DOHH: variants seen among roughly 807,000 people sequenced by gnomAD.
DOHH encodes deoxyhypusine hydroxylase.
A neutral mutation model predicts 19.9 loss-of-function variants in DOHH; 16 were observed. The observed-to-expected ratio is 0.80, with a 90% CI of 0.54 to 1.22. The LOEUF is 1.22. Ranked by LOEUF, DOHH falls within the 50% of genes most tolerant of loss-of-function variation. DOHH has a pLI of 0.00. For missense variants in DOHH, 460 were observed against 460.6 expected (o/e 1.00, Z 0.01); for synonymous variants, 233 against 217.0 (o/e 1.07, Z -0.65).
chr19:3,499,733 T>C lies in DOHH; in HGVS notation c.-73+828A>G, dbSNP rs182900189. ...GTTGCAGTGAGCCGAGATCGTGCCA[T>C]TGCATTCCAGACTGAGCTACAAAGC... is the stretch of plus-strand genomic sequence containing the variant. On this transcript the variant is annotated intron_variant, in intron 1 of 4. Coordinates refer to ENST00000427575, the MANE Select transcript of DOHH (RefSeq NM_001145165.2). Among the ~76,000 whole-genome samples the C allele has an allele frequency of 2.9e-4, 44 of 152,304 alleles. No homozygotes were observed. In the East Asian group the frequency reaches 6.2e-3, roughly 21 times the overall value.
In DOHH at chr19:3,496,526, C is replaced by G. The variant is rs140089889; in HGVS notation, c.274+15G>C. 786 of 1,600,028 alleles carry G rather than the reference C, an allele frequency of 4.9e-4. 4 individuals are homozygous for G. The African/African-American group carries it at 9.6e-3, about 20-fold the overall frequency. On this transcript the variant is annotated intron_variant, in intron 2 of 4. Transcript: ENST00000427575. The surrounding 1 kb of genome is among the most constrained non-coding windows in gnomAD (Gnocchi z 4.8). ...CAGGAGGGAGCAGGTGCCCGGGACA[C>G]AGACAGGTGCTCACCTGCCTCATGG...
intron 1 of DOHH, among the ~76,000 whole-genome samples, chr19:3,498,577 G>T (rs1041381662): frequency 3.3e-5 from 5 of 152,034 alleles, no homozygotes; most frequent in African/African-American, 1.2e-4. Flanking sequence ...GGCTAATTTT[G>T]TATTTTTAGT....
rs1337457335 is a variant in DOHH at position 3,491,721 on chromosome 19, G to A, written c.680C>T (p.Ala227Val). The A allele has an allele frequency of 6.6e-7, 1 of 1,509,812 alleles. No individual in the cohort carries two copies. Among genetic ancestry groups the A allele is most frequent in the Non-Finnish European group, 8.8e-7 (1 of 1,133,214 alleles). 93.5% of individuals were successfully genotyped at this position (1,509,812 alleles called of 1,614,324 possible). The change falls in exon 5 of 5, where the codon GCC becomes GTC. Residue 227 changes from alanine to valine, a missense_variant. Transcript: ENST00000427575. This position sits in a 1 kb window ranked among gnomAD's most constrained non-coding sequence, Gnocchi z 5.6. ...GTTCTCGGTGCATCGGGCCAGGGCG[G>A]CCGCCAGCTGGGGCACCGCCGCCTC... ...QHEAAVPQLA[A>V]ALARCTENPM... is the part of the protein sequence containing the mutation.
chr19:3,495,977 T>C (rs1166256198), intron 2 of DOHH, among the ~76,000 whole-genome samples: 1 of 152,194 alleles, frequency 6.6e-6, no homozygotes, highest in Admixed American at 6.5e-5. Flanking sequence ...GTGGAATTTA[T>C]ATGAAATTCA....
intron 2 of DOHH, among the ~76,000 whole-genome samples, chr19:3,494,458 G>T (rs1259739151): frequency 6.6e-6 from 1 of 152,184 alleles, no homozygotes; most frequent in Non-Finnish European, 1.5e-5. Flanking sequence ...AGTGAGCTAT[G>T]ATCACACCAC....
chr19:3,491,328 C>G lies in DOHH; in HGVS notation c.*164G>C. 9.6e-6 allele frequency: 7 copies of G among 726,416 alleles called. No individual in the cohort carries two copies. Among genetic ancestry groups the G allele is most frequent in the Non-Finnish European group, 1.3e-5 (6 of 454,518 alleles). 45.0% of individuals were successfully genotyped at this position (726,416 alleles called of 1,614,324 possible). A position where few individuals can be genotyped will look rare whatever the true frequency, so the allele number is the denominator to read the frequency against. ...GGGGACTCAGGGAGTCACAGCACAA[C>G]GGCAGCTCCTCGGTCCCAGACGGAG... On this transcript the variant is annotated 3_prime_UTR_variant, in exon 5 of 5. Coordinates refer to ENST00000427575, the MANE Select transcript of DOHH (RefSeq NM_001145165.2). The surrounding 1 kb of genome is among the most constrained non-coding windows in gnomAD (Gnocchi z 5.6).
At chr19:3,495,863 G>A (rs2082904015) in intron 2 of DOHH, among the ~76,000 whole-genome samples, 1 of 150,622 alleles carries the variant, frequency 6.6e-6, no homozygotes, top group South Asian at 2.1e-4. Context: ...GAGCCAAGAC[G>A]GCACCACAGT....
chr19:3,497,448 T>C (rs548045322), intron 1 of DOHH, among the ~76,000 whole-genome samples: 1 of 152,156 alleles, frequency 6.6e-6, no homozygotes, highest in East Asian at 1.9e-4. Context: ...CCAACAGCCA[T>C]GTGAGAGAAG....
intron 1 of DOHH, among the ~76,000 whole-genome samples, chr19:3,499,384 G>A (rs189784529): frequency 1.6e-4 from 25 of 152,294 alleles, no homozygotes; most frequent in African/African-American, 6.0e-4. Flanking sequence ...TCCCTCATTA[G>A]AATAGAACTC....
At position 3,496,193 on chromosome 19, in the gene DOHH, C is replaced by T. The variant is rs768463852; in HGVS notation, c.274+348G>A. ...TGCCTGGCTAATTTTTGTATTTTTTCTAGAGACAGGGTTTTGCCATGTTGC... is the reference window on the plus strand; with the variant it reads ...TGCCTGGCTAATTTTTGTATTTTTTTTAGAGACAGGGTTTTGCCATGTTGC... On this transcript the variant is annotated intron_variant, in intron 2 of 4. Coordinates refer to ENST00000427575, the MANE Select transcript of DOHH (RefSeq NM_001145165.2). The surrounding 1 kb of genome is among the most constrained non-coding windows in gnomAD (Gnocchi z 4.8). Among the ~76,000 whole-genome samples the T allele has an allele frequency of 2.6e-5, 4 of 151,904 alleles. No individual in the cohort carries two copies. Among genetic ancestry groups the T allele is most frequent in the Non-Finnish European group, 5.9e-5 (4 of 68,010 alleles).
rs766450742 is a variant in DOHH at position 3,496,816 on chromosome 19, G to A, written c.-2C>T. On this transcript the variant is annotated 5_prime_UTR_variant, in exon 2 of 5. The change creates a new upstream start codon in the 5' untranslated region. Coordinates refer to ENST00000427575, the MANE Select transcript of DOHH (RefSeq NM_001145165.2). The surrounding 1 kb of genome is among the most constrained non-coding windows in gnomAD (Gnocchi z 4.8). Reference sequence around the variant, plus strand: ...ATCCACCTCCTGCTCCGTCACCATCGTGCTGTCAATGGGTCCCGGCCTTCC... The same window carrying A: ...ATCCACCTCCTGCTCCGTCACCATCATGCTGTCAATGGGTCCCGGCCTTCC... 4.9e-5 allele frequency: 78 copies of A among 1,580,658 alleles called. 4 individuals carry two copies. In the South Asian group the frequency reaches 6.0e-4, roughly 12 times the overall value.
Position 3,494,068 on chromosome 19 carries a change from A to C in DOHH, c.311T>G (p.Leu104Arg), listed in dbSNP as rs981201116. The C allele has an allele frequency of 1.9e-6, 3 of 1,613,886 alleles. No individual in the cohort carries two copies. In the African/African-American group the frequency reaches 4.0e-5, roughly 22 times the overall value. Residue 104 changes from leucine to arginine, a missense_variant, in exon 3 of 5, where the codon CTG becomes CGG. Physicochemically the swap from Leu to Arg is moderately radical, Grantham distance 102 (BLOSUM62 -2). Transcript: ENST00000427575. ...ALGAIGDPEVLEILKQYSSDP... is the reference protein window; with the variant it reads ...ALGAIGDPEVREILKQYSSDP... ...CGAGGAATACTGCTTCAGGATCTCCAGAACTTCCGGGTCCCCGATGGCCCC... is the reference window on the plus strand; with the variant it reads ...CGAGGAATACTGCTTCAGGATCTCCCGAACTTCCGGGTCCCCGATGGCCCC...
At position 3,496,390 on chromosome 19, in the gene DOHH, G is replaced by T; in HGVS notation, c.274+151C>A. The stretch of plus-strand genomic sequence containing the variant: ...CGCTGGCTTTATTGAGTCGCTGTCT[G>T]GCTGCAGAGCTGCAGGTATTTACTA... On this transcript the variant is annotated intron_variant, in intron 2 of 4. Transcript: ENST00000427575. This position sits in a 1 kb window ranked among gnomAD's most constrained non-coding sequence, Gnocchi z 4.8. 8.3e-7 allele frequency: 1 copy of T among 1,207,764 alleles called. No individual in the cohort carries two copies. The highest frequency in any genetic ancestry group is 1.2e-6 in the Non-Finnish European group (1 of 868,284). The allele number at this position is 1,207,764 out of a possible 1,614,324, so 74.8% of individuals were successfully genotyped here.
intron 3 of DOHH, among the ~76,000 whole-genome samples, chr19:3,493,420 T>C (rs757428386): frequency 3.9e-5 from 6 of 152,148 alleles, no homozygotes; most frequent in Admixed American, 6.5e-5. Context: ...CCATCCTGGC[T>C]AACATGGTGA....
chr19:3,493,419 C>T (rs1263168246), intron 3 of DOHH, among the ~76,000 whole-genome samples: 1 of 152,172 alleles, frequency 6.6e-6, no homozygotes, highest in Non-Finnish European at 1.5e-5. Context: ...ACCATCCTGG[C>T]TAACATGGTG....
Position 3,491,384 on chromosome 19 carries a change from A to G in DOHH, c.*108T>C. ...GGACAGCAACCATGCGCCCAGCAAG[A>G]CACAAGCGATGACACCGATTTACAC... On this transcript the variant is annotated 3_prime_UTR_variant, in exon 5 of 5. Coordinates refer to ENST00000427575, the MANE Select transcript of DOHH (RefSeq NM_001145165.2). The surrounding 1 kb of genome is among the most constrained non-coding windows in gnomAD (Gnocchi z 5.6). The G allele has an allele frequency of 8.3e-7, 1 of 1,210,912 alleles. No individual in the cohort carries two copies. The highest frequency in any genetic ancestry group is 1.1e-6 in the Non-Finnish European group (1 of 879,752). 75.0% of individuals were successfully genotyped at this position (1,210,912 alleles called of 1,614,324 possible). A position where few individuals can be genotyped will look rare whatever the true frequency, so the allele number is the denominator to read the frequency against.
chr19:3,495,002 C>T (rs1272849939), intron 2 of DOHH, among the ~76,000 whole-genome samples: 4 of 150,398 alleles, frequency 2.7e-5, no homozygotes, highest in African/African-American at 4.9e-5. Flanking sequence ...TTTAGAGCTT[C>T]GCTCTTGTGA....
chr19:3,491,560 C>A lies in DOHH; in HGVS notation c.841G>T (p.Glu281Ter). 1 of 1,535,972 alleles carries A rather than the reference C, an allele frequency of 6.5e-7. No individual in the cohort carries two copies. The highest frequency in any genetic ancestry group is 8.7e-7 in the Non-Finnish European group (1 of 1,146,740). The change falls in exon 5 of 5, where the codon GAG (glutamate) becomes TAG (stop). Residue 281 changes from glutamate to a stop codon, truncating the protein, a stop_gained. Transcript: ENST00000427575. LOFTEE classifies it low-confidence loss of function (END_TRUNC). The surrounding 1 kb of genome is among the most constrained non-coding windows in gnomAD (Gnocchi z 5.6). ...TGGAAGGCCCGCCCGGTCTCGTGCT[C>A]ATACATGTCCAGAGCCACCTCGCAG... is the stretch of plus-strand genomic sequence containing the variant. ...ESCEVALDMY[E>*]HETGRAFQYA...
intron 2 of DOHH, among the ~76,000 whole-genome samples, chr19:3,495,793 T>G (rs968542486): frequency 6.6e-6 from 1 of 151,712 alleles, no homozygotes; most frequent in African/African-American, 2.4e-5. Flanking sequence ...CCTGTAACGC[T>G]ATCTACTTGG....
Sources: allele counts gnomAD v4.1 joint callset (sites outside exome capture counted in the v4.1 genomes callset), GRCh38; gene constraint gnomAD v4.1.1; non-coding constraint Gnocchi (gnomAD v3.1); transcripts MANE v1.5; gene names NCBI Gene and HGNC (gene_info 2026-07-23, HGNC 2026-07-21).